ZNRF2: variants seen among roughly 807,000 people sequenced by gnomAD.
The protein encoded by ZNRF2 is E3 ubiquitin-protein ligase ZNRF2.
In ZNRF2, 16 loss-of-function variants were observed where a neutral mutation model predicts 20.4. That is an observed-to-expected ratio of 0.79 (90% confidence interval 0.53 to 1.19). The LOEUF is 1.19. ZNRF2 is among the 50% of genes most tolerant of loss of function. The pLI is 0.00. For synonymous variants in ZNRF2, 178 were observed against 144.9 expected (o/e 1.23, Z -1.64); for missense variants, 363 against 332.4 (o/e 1.09, Z -0.72).
In ZNRF2 at chr7:30,315,728, G is replaced by T. The variant is rs962025285; in HGVS notation, c.470-7914G>T. On this transcript the variant is annotated intron_variant, in intron 1 of 4. Transcript: ENST00000323037. ...CCCTAACTAAAGAAAAAGGTGGGGC[G>T]GGGGGGGGGGGGTTGGGTATAAAGA... Among the ~76,000 whole-genome samples the T allele has an allele frequency of 2.2e-3, 109 of 50,244 alleles. 1 individual carries two copies. The highest frequency in any genetic ancestry group is 5.9e-3 in the Admixed American group (22 of 3,752). 33.0% of individuals were successfully genotyped at this position (50,244 alleles called of 152,430 possible). A position where few individuals can be genotyped will look rare whatever the true frequency, so the allele number is the denominator to read the frequency against.
chr7:30,339,115 G>T (rs1799758854), intron 2 of ZNRF2, among the ~76,000 whole-genome samples: 1 of 151,962 alleles, frequency 6.6e-6, no homozygotes, highest in Non-Finnish European at 1.5e-5. Flanking sequence ...TTTTTGATGG[G>T]GTTGCTTGTT....
intron 2 of ZNRF2, among the ~76,000 whole-genome samples, chr7:30,333,550 A>C (rs926570395): frequency 1.4e-4 from 22 of 151,742 alleles, no homozygotes; most frequent in Admixed American, 1.4e-3. Flanking sequence ...TTGTATTTTT[A>C]GTAGAGGCAG....
intron 3 of ZNRF2, among the ~76,000 whole-genome samples, chr7:30,357,065 A>T (rs1276949857): frequency 6.6e-6 from 1 of 152,180 alleles, no homozygotes; most frequent in African/African-American, 2.4e-5. Flanking sequence ...TCATAATGGA[A>T]CATTTCACTA....
At chr7:30,348,647 A>T (rs931168978) in intron 2 of ZNRF2, among the ~76,000 whole-genome samples, 1 of 151,974 alleles carries the variant, frequency 6.6e-6, no homozygotes, top group African/African-American at 2.4e-5. Flanking sequence ...ATGGCATTCT[A>T]CTCGTAAAAG....
intron 2 of ZNRF2, among the ~76,000 whole-genome samples, chr7:30,333,870 A>T (rs1799676686): frequency 6.6e-6 from 1 of 152,096 alleles, no homozygotes; most frequent in Non-Finnish European, 1.5e-5. Flanking sequence ...TGTTGATTCA[A>T]GTTCCTTATA....
intron 1 of ZNRF2, among the ~76,000 whole-genome samples, chr7:30,316,244 C>T (rs1023247471): frequency 1.6e-5 from 2 of 126,340 alleles, no homozygotes; most frequent in Non-Finnish European, 3.1e-5. Context: ...GTCAAGATTG[C>T]ACCACTGTAC....
intron 3 of ZNRF2, among the ~76,000 whole-genome samples, chr7:30,358,716 C>T (rs539824755): frequency 6.6e-6 from 1 of 152,270 alleles, no homozygotes; most frequent in Non-Finnish European, 1.5e-5. Flanking sequence ...GCCAGTGGAA[C>T]GGAATGGAGT....
chr7:30,300,363 G>A (rs539599310), intron 1 of ZNRF2, among the ~76,000 whole-genome samples: 2 of 151,932 alleles, frequency 1.3e-5, no homozygotes, highest in South Asian at 4.1e-4. Flanking sequence ...TGGCCAGGAT[G>A]GTCTTGGTCT....
At chr7:30,304,393 A>G (rs1272347386) in intron 1 of ZNRF2, among the ~76,000 whole-genome samples, 1 of 152,246 alleles carries the variant, frequency 6.6e-6, no homozygotes, top group Non-Finnish European at 1.5e-5. Flanking sequence ...TAGTAATGTG[A>G]TAGCACTTTA....
At chr7:30,341,894 C>A (rs1199143230) in intron 2 of ZNRF2, among the ~76,000 whole-genome samples, 1 of 152,090 alleles carries the variant, frequency 6.6e-6, no homozygotes, top group African/African-American at 2.4e-5. Flanking sequence ...TTATGAAAAT[C>A]TGGGTGCTCC....
intron 2 of ZNRF2, among the ~76,000 whole-genome samples, chr7:30,345,386 T>A (rs1799861251): frequency 6.6e-6 from 1 of 152,090 alleles, no homozygotes; most frequent in East Asian, 1.9e-4. Flanking sequence ...TTGTATGTGC[T>A]TTTGGACAGT....
chr7:30,320,708 T>TGAA (rs1163947389), intron 1 of ZNRF2, among the ~76,000 whole-genome samples: 1 of 152,222 alleles, frequency 6.6e-6, no homozygotes, highest in Non-Finnish European at 1.5e-5. Flanking sequence ...CATTTTCAAC[T>TGAA]GAAGATATTT....
At chr7:30,317,947 A>G (rs1436862569) in intron 1 of ZNRF2, among the ~76,000 whole-genome samples, 5 of 152,130 alleles carry the variant, frequency 3.3e-5, no homozygotes, top group Non-Finnish European at 4.4e-5. Flanking sequence ...TTCCTCTGTC[A>G]CTGATTCATT....
intron 1 of ZNRF2, among the ~76,000 whole-genome samples, chr7:30,296,853 G>A (rs1799027710): frequency 6.6e-6 from 1 of 152,194 alleles, no homozygotes; most frequent in Admixed American, 6.5e-5. Flanking sequence ...TAATGTATGT[G>A]TTAGGAAAGT....
intron 1 of ZNRF2, among the ~76,000 whole-genome samples, chr7:30,298,878 AAAT>A (rs374758277): frequency 2.6e-3 from 403 of 152,218 alleles, no homozygotes; most frequent in Non-Finnish European, 4.8e-3. Context: ...TGCCTGCTGT[AAAT>A]CAGTTTGCTT....
chr7:30,312,260 C>T (rs984062202), intron 1 of ZNRF2, among the ~76,000 whole-genome samples: 12 of 152,118 alleles, frequency 7.9e-5, no homozygotes, highest in African/African-American at 2.7e-4. Context: ...GGATTACAGA[C>T]GCGAGCTACT....
At chr7:30,300,258 T>C (rs2128057492) in intron 1 of ZNRF2, among the ~76,000 whole-genome samples, 1 of 148,610 alleles carries the variant, frequency 6.7e-6, no homozygotes, top group Non-Finnish European at 1.5e-5. Flanking sequence ...AAGCAATTCT[T>C]TTGCCTCAGC....
At chr7:30,300,425 G>C (rs1348662165) in intron 1 of ZNRF2, among the ~76,000 whole-genome samples, 1 of 152,184 alleles carries the variant, frequency 6.6e-6, no homozygotes, top group African/African-American at 2.4e-5. Flanking sequence ...GGGATTGCAG[G>C]CATGAGCCAC....
chr7:30,300,808 TA>T (rs1799102219), intron 1 of ZNRF2, among the ~76,000 whole-genome samples: 1 of 152,270 alleles, frequency 6.6e-6, no homozygotes, highest in Admixed American at 6.5e-5. Context: ...TGTTTTGTTA[TA>T]GGCTGAATCT....
Sources: gnomAD v4.1 joint callset for allele counts (sites outside exome capture counted in the v4.1 genomes callset) on GRCh38, gnomAD v4.1.1 for gene constraint, MANE v1.5 for transcripts, NCBI Gene and HGNC (gene_info 2026-07-23, HGNC 2026-07-21) for gene names.